Variants in KCNIP4 observed in about 807,000 individuals in gnomAD.
KCNIP4 encodes potassium voltage-gated channel interacting protein 4, also known as Kv channel-interacting protein 4.
KCNIP4 carries 12 observed loss-of-function variants against 34.0 expected under a neutral mutation model. The ratio of observed to expected loss-of-function variants is 0.35; its 90% CI spans 0.23 to 0.57. The LOEUF (loss-of-function observed/expected upper bound fraction) is 0.57. Ranked by LOEUF, KCNIP4 falls within the 20% of genes least tolerant of loss-of-function variation. KCNIP4 has a pLI of 0.83. For synonymous variants in KCNIP4, 124 were observed against 102.2 expected (o/e 1.21, Z -1.29); for missense variants, 238 against 311.7 (o/e 0.76, Z 1.78).
chr4:21,411,414 G>A (rs769635109), intron 1 of KCNIP4, among the ~76,000 whole-genome samples: 1 of 152,174 alleles, frequency 6.6e-6, no homozygotes, highest in Non-Finnish European at 1.5e-5. Context: ...ACCTTTGGCT[G>A]ATGGTTCTCA....
intron 1 of KCNIP4, among the ~76,000 whole-genome samples, chr4:21,193,738 A>T (rs1560798425): frequency 6.6e-6 from 1 of 151,784 alleles, no homozygotes; most frequent in Non-Finnish European, 1.5e-5. Flanking sequence ...CGCCCGGCTA[A>T]TTTTTTGTAT....
At chr4:21,185,066 G>A (rs924865057) in intron 1 of KCNIP4, among the ~76,000 whole-genome samples, 1 of 152,078 alleles carries the variant, frequency 6.6e-6, no homozygotes, top group East Asian at 1.9e-4. Flanking sequence ...AAATTCCTAC[G>A]TATAACTTCT....
At chr4:21,762,740 G>A (rs930033872) in intron 1 of KCNIP4, among the ~76,000 whole-genome samples, 5 of 152,146 alleles carry the variant, frequency 3.3e-5, no homozygotes, top group African/African-American at 1.2e-4. Context: ...AGCGTCATTA[G>A]TGGGCTGGGT....
At chr4:21,229,057 A>T (rs1758613210) in intron 1 of KCNIP4, among the ~76,000 whole-genome samples, 1 of 152,160 alleles carries the variant, frequency 6.6e-6, no homozygotes, top group Admixed American at 6.5e-5. Flanking sequence ...TGCTGCACTG[A>T]AGCTGCATTA....
intron 3 of KCNIP4, among the ~76,000 whole-genome samples, chr4:20,844,130 A>G (rs1366197770): frequency 6.6e-6 from 1 of 152,154 alleles, no homozygotes; most frequent in Non-Finnish European, 1.5e-5. Flanking sequence ...TGTCCAGAGA[A>G]TCTAAGCCAT....
chr4:21,663,153 C>T (rs1476432550), intron 1 of KCNIP4, among the ~76,000 whole-genome samples: 3 of 152,064 alleles, frequency 2.0e-5, no homozygotes, highest in Non-Finnish European at 2.9e-5. Flanking sequence ...TAGCCCTTAT[C>T]GATAATGGTT....
chr4:21,286,252 G>A (rs1763115079), intron 1 of KCNIP4, among the ~76,000 whole-genome samples: 1 of 152,182 alleles, frequency 6.6e-6, no homozygotes, highest in African/African-American at 2.4e-5. Context: ...CATTGTGTAT[G>A]CATTTCACTG....
chr4:20,923,088 C>T (rs1729567084), intron 1 of KCNIP4, among the ~76,000 whole-genome samples: 1 of 152,080 alleles, frequency 6.6e-6, no homozygotes, highest in East Asian at 1.9e-4. Context: ...AGCAGTGTCA[C>T]CAAAATCAGA....
At chr4:21,429,096 G>A (rs1214832906) in intron 1 of KCNIP4, among the ~76,000 whole-genome samples, 1 of 152,092 alleles carries the variant, frequency 6.6e-6, no homozygotes, top group Admixed American at 6.5e-5. Flanking sequence ...ATACAAAATA[G>A]GTTCACTGCC....
At chr4:21,919,287 T>C (rs903303869) in intron 1 of KCNIP4, among the ~76,000 whole-genome samples, 12 of 152,316 alleles carry the variant, frequency 7.9e-5, no homozygotes, top group African/African-American at 2.9e-4. Context: ...TTTAACTACA[T>C]TGAACAGCTA....
At chr4:20,909,671 A>G (rs766464570) in intron 1 of KCNIP4, among the ~76,000 whole-genome samples, 5 of 152,206 alleles carry the variant, frequency 3.3e-5, no homozygotes, top group Non-Finnish European at 7.3e-5. Context: ...GCCTGCCTGC[A>G]CTATAAAGAT....
At chr4:21,086,386 G>A (rs1042146304) in intron 1 of KCNIP4, among the ~76,000 whole-genome samples, 22 of 152,120 alleles carry the variant, frequency 1.4e-4, no homozygotes, top group African/African-American at 1.7e-4. Context: ...CAGCCACGGT[G>A]CCATTTCTGA....
chr4:21,604,681 T>C (rs553509065), intron 1 of KCNIP4, among the ~76,000 whole-genome samples: 1 of 152,330 alleles, frequency 6.6e-6, no homozygotes, highest in South Asian at 2.1e-4. Context: ...AGCCAACTTT[T>C]ACACGGACTA....
At chr4:21,890,453 A>G (rs1727027123) in intron 1 of KCNIP4, among the ~76,000 whole-genome samples, 1 of 152,132 alleles carries the variant, frequency 6.6e-6, no homozygotes, top group African/African-American at 2.4e-5. Flanking sequence ...TGAAGAGCCT[A>G]AAGACCAATT....
intron 1 of KCNIP4, among the ~76,000 whole-genome samples, chr4:21,142,219 G>T (rs1009893471): frequency 6.6e-6 from 1 of 151,796 alleles, no homozygotes; most frequent in African/African-American, 2.4e-5. Flanking sequence ...GGCTGCCCTG[G>T]GCTGAGGATC....
intron 3 of KCNIP4, among the ~76,000 whole-genome samples, chr4:20,792,584 T>C (rs565590510): frequency 6.6e-6 from 1 of 152,228 alleles, no homozygotes; most frequent in Non-Finnish European, 1.5e-5. Flanking sequence ...GTTAAAAGGC[T>C]GAAAACATTA....
intron 1 of KCNIP4, among the ~76,000 whole-genome samples, chr4:21,076,385 G>A (rs1371332068): frequency 6.6e-6 from 1 of 152,032 alleles, no homozygotes; most frequent in African/African-American, 2.4e-5. Context: ...CTTATAGCCT[G>A]TGCCACAAAA....
At chr4:21,283,075 C>T (rs1455992904) in intron 1 of KCNIP4, among the ~76,000 whole-genome samples, 3 of 152,112 alleles carry the variant, frequency 2.0e-5, no homozygotes, top group African/African-American at 7.2e-5. Flanking sequence ...ACAACAAAAA[C>T]TAGACACAAA....
intron 1 of KCNIP4, among the ~76,000 whole-genome samples, chr4:21,445,683 C>T (rs1219175942): frequency 2.6e-5 from 4 of 152,094 alleles, no homozygotes; most frequent in Non-Finnish European, 5.9e-5. Context: ...AGAAGAAAAC[C>T]TAGGCAATAC....
Sources: allele counts gnomAD v4.1 joint callset (sites outside exome capture counted in the v4.1 genomes callset), GRCh38; gene constraint gnomAD v4.1.1; transcripts MANE v1.5; gene names NCBI Gene and HGNC (gene_info 2026-07-23, HGNC 2026-07-21).